Variants in KHDRBS3 observed in about 807,000 individuals in gnomAD.
The protein encoded by KHDRBS3 is KH RNA binding domain containing, signal transduction associated 3.
In KHDRBS3, 23 loss-of-function variants were observed where a neutral mutation model predicts 45.6. That is an observed-to-expected ratio of 0.50 (90% CI 0.36 to 0.72). KHDRBS3 has a LOEUF of 0.72. Among genes scored for constraint, KHDRBS3 ranks in the 30% least tolerant of loss-of-function variants. The pLI is 0.00. For missense variants in KHDRBS3, 352 were observed against 424.8 expected, an observed-to-expected ratio of 0.83 and a Z score of 1.51; for synonymous variants, 162 against 156.5, an observed-to-expected ratio of 1.04 and a Z score of -0.26.
At position 135,457,833 on chromosome 8, in the gene KHDRBS3, G is replaced by A. The variant is rs758764172; in HGVS notation, c.-34G>A. ...GCCGGGCGCCGCCCCCCGTGCGCCT[G>A]GAGTCCACATCCCGGGCCCGGCGGC... On this transcript the variant is annotated 5_prime_UTR_variant, in exon 1 of 9. Coordinates refer to ENST00000355849, the MANE Select transcript of KHDRBS3 (RefSeq NM_006558.3). This position sits in a 1 kb window ranked among gnomAD's most constrained non-coding sequence, Gnocchi z 4.4. 2.0e-6 allele frequency: 3 copies of A among 1,479,596 alleles called. No homozygotes were observed. The highest frequency in any genetic ancestry group is 1.2e-5 in the South Asian group (1 of 80,844). The allele number at this position is 1,479,596 out of a possible 1,614,324, so 91.7% of individuals were successfully genotyped here.
rs1329944790 is a variant in KHDRBS3, at chr8:135,457,800, CG to C, written c.-62del. The C allele has an allele frequency of 1.9e-6, 2 of 1,060,614 alleles. No homozygotes were observed. Among genetic ancestry groups the C allele is most frequent in the Non-Finnish European group, 2.6e-6 (2 of 767,500 alleles). The allele number at this position is 1,060,614 out of a possible 1,614,324, so 65.7% of individuals were successfully genotyped here. On this transcript the variant is annotated 5_prime_UTR_variant, in exon 1 of 9. Transcript: ENST00000355849. This position sits in a 1 kb window ranked among gnomAD's most constrained non-coding sequence, Gnocchi z 4.4. ...CCGCCGCTGGGGGCGCGGGCGGGGT[CG>C]GGGGTTGCCGGGCGCCGCCCCCCGT...
At chr8:135,650,958 A>C (rs1410824142), downstream of KHDRBS3, among the ~76,000 whole-genome samples, 1 of 152,168 alleles carries the variant, frequency 6.6e-6, no homozygotes, top group Non-Finnish European at 1.5e-5. Flanking sequence ...GTAGGAAGAC[A>C]GTGATTAAAG....
chr8:135,530,308 C>T (rs188752506), intron 2 of KHDRBS3, among the ~76,000 whole-genome samples: 205 of 152,172 alleles, frequency 1.3e-3, no homozygotes, highest in South Asian at 2.7e-3. Context: ...CTGAAAATTG[C>T]GTGACTATAC....
chr8:135,637,295 T>C lies in KHDRBS3; in HGVS notation c.891-7764T>C, dbSNP rs556794385. Among the ~76,000 whole-genome samples the C allele has an allele frequency of 2.6e-5, 4 of 152,332 alleles. No individual in the cohort carries two copies. In the South Asian group the frequency reaches 8.3e-4, roughly 32 times the overall value. ...GTTTATTTTAAATATTACATTTCATTTATTTTGCTTTATTTATAAAAATTC... is the reference window on the plus strand; with the variant it reads ...GTTTATTTTAAATATTACATTTCATCTATTTTGCTTTATTTATAAAAATTC... On this transcript the variant is annotated intron_variant, in intron 7 of 8. Transcript: ENST00000355849.
intron 1 of KHDRBS3, among the ~76,000 whole-genome samples, chr8:135,506,970 T>C (rs1824031950): frequency 6.6e-6 from 1 of 152,208 alleles, no homozygotes; most frequent in African/African-American, 2.4e-5. Flanking sequence ...TCCTAGGCAG[T>C]GCTCTTCAAC....
chr8:135,544,879 C>T (rs1334631658), intron 3 of KHDRBS3, among the ~76,000 whole-genome samples: 3 of 152,100 alleles, frequency 2.0e-5, no homozygotes, highest in South Asian at 2.1e-4. Context: ...TTACAATCCA[C>T]TGAACCCACT....
chr8:135,623,669 A>G (rs1395625980), intron 7 of KHDRBS3, among the ~76,000 whole-genome samples: 2 of 152,164 alleles, frequency 1.3e-5, no homozygotes, highest in African/African-American at 4.8e-5. Context: ...TGGGTTCCCA[A>G]TAAAATGGAA....
chr8:135,593,644 A>G (rs1183763573), intron 6 of KHDRBS3, among the ~76,000 whole-genome samples: 2 of 151,884 alleles, frequency 1.3e-5, no homozygotes, highest in Non-Finnish European at 2.9e-5. Context: ...TGCCCGGCTA[A>G]TTTTTTTATT....
chr8:135,588,909 C>G (rs1448618588), intron 6 of KHDRBS3, among the ~76,000 whole-genome samples: 1 of 152,146 alleles, frequency 6.6e-6, no homozygotes, highest in Non-Finnish European at 1.5e-5. Flanking sequence ...CCTCATTCTT[C>G]CCCAGAGTTT....
intron 4 of KHDRBS3, among the ~76,000 whole-genome samples, chr8:135,655,161 G>A (rs1203788462): frequency 9.2e-5 from 14 of 152,194 alleles, no homozygotes; most frequent in African/African-American, 3.4e-4. Context: ...TAGATTTACT[G>A]TATTAGATGT....
chr8:135,495,494 G>T (rs761072588), intron 1 of KHDRBS3, among the ~76,000 whole-genome samples: 2 of 152,170 alleles, frequency 1.3e-5, no homozygotes, highest in African/African-American at 2.4e-5. Context: ...ATCATGACAA[G>T]AATTAATTAT....
chr8:135,639,842 A>C (rs1280705057), intron 7 of KHDRBS3, among the ~76,000 whole-genome samples: 1 of 152,176 alleles, frequency 6.6e-6, no homozygotes, highest in Non-Finnish European at 1.5e-5. Context: ...TAAACCATTC[A>C]TGAGGGATCT....
chr8:135,566,751 A>C (rs1263968680), intron 5 of KHDRBS3, among the ~76,000 whole-genome samples: 1 of 152,198 alleles, frequency 6.6e-6, no homozygotes, highest in Non-Finnish European at 1.5e-5. Context: ...CTATAGTCAC[A>C]GCTACTCAGG....
At chr8:135,636,266 C>T (rs1006268233) in intron 7 of KHDRBS3, among the ~76,000 whole-genome samples, 8 of 152,134 alleles carry the variant, frequency 5.3e-5, no homozygotes, top group Non-Finnish European at 1.2e-4. Context: ...GCACTTTTCC[C>T]GTCATCATAC....
intron 1 of KHDRBS3, among the ~76,000 whole-genome samples, chr8:135,519,818 G>C (rs1009404251): frequency 1.3e-5 from 2 of 152,188 alleles, no homozygotes; most frequent in Non-Finnish European, 2.9e-5. Context: ...GAAATGGGAG[G>C]CTGCATATTA....
intron 1 of KHDRBS3, among the ~76,000 whole-genome samples, chr8:135,475,486 A>G (rs1363641087): frequency 1.3e-5 from 2 of 151,482 alleles, no homozygotes; most frequent in Admixed American, 6.6e-5. Context: ...TAATTTTTGT[A>G]TTTTTAGTAG....
At chr8:135,632,315 C>G (rs1284316146) in intron 7 of KHDRBS3, among the ~76,000 whole-genome samples, 1 of 152,074 alleles carries the variant, frequency 6.6e-6, no homozygotes, top group African/African-American at 2.4e-5. Flanking sequence ...CTCTGGGCTC[C>G]TCTCTCTCTG....
chr8:135,645,319 G>T (rs1440576779), intron 8 of KHDRBS3, among the ~76,000 whole-genome samples: 1 of 152,208 alleles, frequency 6.6e-6, no homozygotes, highest in Admixed American at 6.5e-5. Context: ...GCTGAAGATT[G>T]CATGAATCCA....
chr8:135,523,050 G>T (rs1388648940), intron 2 of KHDRBS3, among the ~76,000 whole-genome samples: 1 of 152,074 alleles, frequency 6.6e-6, no homozygotes, highest in Non-Finnish European at 1.5e-5. Flanking sequence ...ACACTGTCTT[G>T]ATTACTATAG....
Sources: gnomAD v4.1 joint callset for allele counts (sites outside exome capture counted in the v4.1 genomes callset) on GRCh38, gnomAD v4.1.1 for gene constraint, Gnocchi (gnomAD v3.1) non-coding constraint, MANE v1.5 for transcripts, NCBI Gene and HGNC (gene_info 2026-07-23, HGNC 2026-07-21) for gene names.